The following PON1 variants were observed in gnomAD, a reference collection of about 807,000 sequenced individuals.
PON1 encodes serum paraoxonase/arylesterase 1.
Under a neutral mutation model 39.2 loss-of-function variants are expected in PON1, and 37 were observed. The observed-to-expected ratio is 0.94, with a 90% CI of 0.73 to 1.24. The LOEUF is 1.24. PON1 is among the 50% of genes most tolerant of loss of function. PON1 has a pLI of 0.00. For synonymous variants in PON1, 148 were observed against 152.2 expected, an observed-to-expected ratio of 0.97 and a Z score of 0.21; for missense variants, 397 against 413.5, an observed-to-expected ratio of 0.96 and a Z score of 0.35.
rs755057995 is a variant in PON1 at position 95,306,333 on chromosome 7, CT to C, written c.731del (p.Lys244ArgfsTer13). On this transcript the variant is annotated frameshift_variant, in exon 7 of 9. Transcript: ENST00000222381. LOFTEE classifies it high-confidence loss of function. ...YVYIAELLAH[K>X]IHVYEKHANW... The stretch of plus-strand genomic sequence containing the variant: ...TAGCATGCTTTTCATACACATGAAT[CT>C]TATGAGCCAGCAACTCAGCTATATA... 8.1e-6 allele frequency: 13 copies of C among 1,613,046 alleles called. No individual in the cohort carries two copies. In the South Asian group the frequency reaches 1.3e-4, roughly 16 times the overall value.
At chr7:95,317,573 CAAAAAA>C (rs869140411) in intron 2 of PON1, among the ~76,000 whole-genome samples, 1 of 46,868 alleles carries the variant, frequency 2.1e-5, no homozygotes, top group African/African-American at 6.7e-5. Context: ...TCTAAAAGAA[CAAAAAA>C]AAAAAAAAAA....
At chr7:95,318,270 GC>G in intron 2 of PON1, 52 bp downstream of exon 2, 1 of 1,464,144 alleles carries the variant, frequency 6.8e-7, no homozygotes, top group Non-Finnish European at 9.6e-7. Flanking sequence ...CACACAAAGA[GC>G]AAAAAAATAC....
intron 3 of PON1, among the ~76,000 whole-genome samples, 175 bp downstream of exon 3, chr7:95,316,559 C>T (rs1265405948): frequency 1.3e-5 from 2 of 152,096 alleles, no homozygotes; most frequent in East Asian, 3.9e-4. Context: ...GCATAGAACA[C>T]GCATGATCAT....
At chr7:95,315,218 A>C (rs1229831760) in intron 4 of PON1, 104 bp downstream of exon 4, 2 of 1,057,992 alleles carry the variant, frequency 1.9e-6, no homozygotes, top group African/African-American at 1.6e-5. Context: ...ATTATTCATG[A>C]CTATGCTTTG....
intron 8 of PON1, 82 bp downstream of exon 8, chr7:95,302,123 C>CAAAAAAAAAAAAAAAAAAAAAAAAAAAA (rs1198986302): frequency 4.3e-6 from 2 of 460,344 alleles, no homozygotes; most frequent in Admixed American, 4.8e-5. Context: ...AAAAAAAAAC[C>CAAAAAAAAAAAAAAAAAAAAAAAAAAAA]AAGAATTGAG....
rs1807348372 is a variant in PON1 at position 95,298,787 on chromosome 7, A to C, written c.*157T>G. ...GTATTCTCAAAAAAAAGCCCTACAC[A>C]TCATATCACTCCCAGTTAAACAGTG... On this transcript the variant is annotated 3_prime_UTR_variant, in exon 9 of 9. Transcript: ENST00000222381. The C allele has an allele frequency of 1.0e-5, 9 of 887,758 alleles. No individual in the cohort carries two copies. The Middle Eastern group carries it at 2.2e-3, about 216-fold the overall frequency. The allele number at this position is 887,758 out of a possible 1,614,324, so 55.0% of individuals were successfully genotyped here.
intron 1 of PON1, among the ~76,000 whole-genome samples, chr7:95,323,071 G>T (rs1383567167): frequency 6.6e-6 from 1 of 152,176 alleles, no homozygotes. Flanking sequence ...CAGGGAGTTT[G>T]TTCCATGACG....
At position 95,308,183 on chromosome 7, in the gene PON1, C is replaced by G; in HGVS notation, c.526G>C (p.Glu176Gln). 6.2e-7 allele frequency: 1 copy of G among 1,614,040 alleles called. No homozygotes were observed. Among genetic ancestry groups the G allele is most frequent in the South Asian group, 1.1e-5 (1 of 91,076 alleles). The change falls in exon 6 of 9, where the codon GAG (glutamate) becomes CAG (glutamine). Residue 176 changes from glutamate (E) to glutamine (Q), a missense_variant. Glu to Gln is a conservative substitution (Grantham distance 29, BLOSUM62 2). Coordinates refer to ENST00000222381, the MANE Select transcript of PON1 (RefSeq NM_000446.7). ...NLNDIVAVGP[E>Q]HFYGTNDHYF... ...TGATCATTTGTGCCATAAAAGTGCT[C>G]AGGTCCCACAGCAACAATATCATTC...
chr7:95,320,581 C>A (rs1277418480), intron 1 of PON1, among the ~76,000 whole-genome samples: 1 of 152,218 alleles, frequency 6.6e-6, no homozygotes, highest in African/African-American at 2.4e-5. Context: ...TCTAAGGCCA[C>A]AGAGTTATAA....
At chr7:95,305,098 A>G (rs576956503) in intron 7 of PON1, among the ~76,000 whole-genome samples, 31 of 152,354 alleles carry the variant, frequency 2.0e-4, no homozygotes, top group African/African-American at 6.3e-4. Flanking sequence ...TTTAATGTCA[A>G]ACACGATGTT....
At chr7:95,320,736 C>A (rs967251852) in intron 1 of PON1, among the ~76,000 whole-genome samples, 32 of 152,200 alleles carry the variant, frequency 2.1e-4, no homozygotes, top group African/African-American at 7.5e-4. Context: ...TCATCCAACT[C>A]ATATTTTTTC....
intron 4 of PON1, among the ~76,000 whole-genome samples, chr7:95,313,157 G>A (rs1411073549): frequency 6.6e-6 from 1 of 152,220 alleles, no homozygotes; most frequent in Non-Finnish European, 1.5e-5. Context: ...AGCTGAGGAA[G>A]GAGGGTGTTG....
chr7:95,320,061 C>T (rs765638975), intron 1 of PON1, among the ~76,000 whole-genome samples: 2 of 152,072 alleles, frequency 1.3e-5, no homozygotes, highest in Non-Finnish European at 2.9e-5. Context: ...AGGGCAGGTA[C>T]AAGATGTTAA....
At chr7:95,324,165 G>A (rs1807961436) in intron 1 of PON1, among the ~76,000 whole-genome samples, 1 of 152,190 alleles carries the variant, frequency 6.6e-6, no homozygotes, top group Admixed American at 6.5e-5. Flanking sequence ...GACAACCTGG[G>A]CACTCACACC....
In PON1 at chr7:95,311,360, C is replaced by T. The variant is rs147196613; in HGVS notation, c.497+91G>A. 205 of 1,466,754 alleles carry T rather than the reference C, an allele frequency of 1.4e-4. No homozygotes were observed. In the East Asian group the frequency reaches 3.7e-3, roughly 27 times the overall value. The allele number at this position is 1,466,754 out of a possible 1,614,324, so 90.9% of individuals were successfully genotyped here. On this transcript the variant is annotated intron_variant, in intron 5 of 8. Transcript: ENST00000222381. ...ATCATTAGAAATGAGAGTTGAACAGCCATACCTACTCTGGCCAAAAGGAAA... is the reference window on the plus strand; with the variant it reads ...ATCATTAGAAATGAGAGTTGAACAGTCATACCTACTCTGGCCAAAAGGAAA...
intron 3 of PON1, among the ~76,000 whole-genome samples, chr7:95,315,798 T>A (rs146067103): frequency 6.6e-6 from 1 of 152,112 alleles, no homozygotes; most frequent in African/African-American, 2.4e-5. Flanking sequence ...AAAAAGGCAA[T>A]TAATAATAGT....
intron 6 of PON1, 46 bp from the exon 7 acceptor site, chr7:95,306,412 C>T: frequency 1.5e-6 from 2 of 1,322,754 alleles, no homozygotes; most frequent in Non-Finnish European, 2.2e-6. Context: ...AGTAACACAA[C>T]TTGAGAGATT....
chr7:95,298,649 TCA>T lies in PON1; in HGVS notation c.*293_*294del, dbSNP rs1807344097. 4 of 452,220 alleles carry T rather than the reference TCA, an allele frequency of 8.8e-6. No homozygotes were observed. Among genetic ancestry groups the T allele is most frequent in the South Asian group, 8.4e-5 (4 of 47,518 alleles). The allele number at this position is 452,220 out of a possible 1,614,324, so 28.0% of individuals were successfully genotyped here. On this transcript the variant is annotated 3_prime_UTR_variant, in exon 9 of 9. Transcript: ENST00000222381. ...TGTTTTAGGGTAAGTACTTTTGGGG[TCA>T]CACACTGTTATTTAATATCTGACAA...
chr7:95,320,275 A>C (rs764071985), intron 1 of PON1, among the ~76,000 whole-genome samples: 1 of 152,260 alleles, frequency 6.6e-6, no homozygotes. Flanking sequence ...CAAAAGATGG[A>C]GAAAGGCAGA....
Sources: allele counts gnomAD v4.1 joint callset (sites outside exome capture counted in the v4.1 genomes callset), GRCh38; gene constraint gnomAD v4.1.1; transcripts MANE v1.5; gene names NCBI Gene and HGNC (gene_info 2026-07-23, HGNC 2026-07-21).